The following SECISBP2 variants were observed in gnomAD, a reference collection of about 807,000 sequenced individuals.
The protein encoded by SECISBP2 is selenocysteine insertion sequence-binding protein 2.
SECISBP2 carries 96 observed loss-of-function variants against 98.2 expected under a neutral mutation model. The ratio of observed to expected loss-of-function variants is 0.98; its 90% CI spans 0.83 to 1.16. SECISBP2 has a LOEUF of 1.16. Among genes scored for constraint, SECISBP2 ranks in the 50% most tolerant of loss-of-function variants. The pLI is 0.00. For synonymous variants in SECISBP2, 407 were observed against 370.2 expected, an observed-to-expected ratio of 1.10 and a Z score of -1.14; for missense variants, 1,046 against 1,022.9, an observed-to-expected ratio of 1.02 and a Z score of -0.31.
downstream of SECISBP2, chr9:89,363,484 C>T (rs768446379): frequency 6.2e-7 from 1 of 1,614,126 alleles, no homozygotes; most frequent in South Asian, 1.1e-5. Context: ...CCACAGCCCT[C>T]CAGGCAGAGA....
At chr9:89,345,651 G>T (rs1017670304) in intron 10 of SECISBP2, among the ~76,000 whole-genome samples, 1 of 152,214 alleles carries the variant, frequency 6.6e-6, no homozygotes, top group African/African-American at 2.4e-5. Context: ...TCAGTGCTTT[G>T]TGAAGAGTTG....
downstream of SECISBP2, chr9:89,363,633 C>T: frequency 3.8e-6 from 6 of 1,591,092 alleles, no homozygotes; most frequent in Non-Finnish European, 3.4e-6. Context: ...AACCCAAACC[C>T]AGAATGCCAC....
At chr9:89,363,542 G>A (rs1226787014), downstream of SECISBP2, 4 of 1,613,674 alleles carry the variant, frequency 2.5e-6, no homozygotes, top group South Asian at 3.3e-5. Flanking sequence ...AAAACAAGCA[G>A]GGTCCCCAGG....
intron 14 of SECISBP2, chr9:89,354,912 C>A: frequency 1.0e-6 from 1 of 985,424 alleles, no homozygotes; most frequent in East Asian, 1.1e-4. Flanking sequence ...TGTAAGTATA[C>A]CTCAGGAATA....
rs59799418 is a variant in SECISBP2 at position 89,336,081 on chromosome 9, C to CTTTTTTTTTTTTTTTTTTT, written c.1089+1360_1089+1378dup. Among the ~76,000 whole-genome samples, 41 of 33,058 alleles carry CTTTTTTTTTTTTTTTTTTT rather than the reference C, an allele frequency of 1.2e-3. 5 individuals carry two copies. The highest frequency in any genetic ancestry group is 1.5e-3 in the Non-Finnish European group (27 of 17,536). 21.7% of individuals were successfully genotyped at this position (33,058 alleles called of 152,430 possible). A position where few individuals can be genotyped will look rare whatever the true frequency, so the allele number is the denominator to read the frequency against. On this transcript the variant is annotated intron_variant, in intron 7 of 16. Transcript: ENST00000375807. The stretch of plus-strand genomic sequence containing the variant: ...TTTTTCCCTTAAGTAATTTTAAGTG[C>CTTTTTTTTTTTTTTTTTTT]TTTTTTTTTTTTTTTTTTTTTTTTT...
chr9:89,331,276 ATC>A (rs1474681909), intron 5 of SECISBP2, among the ~76,000 whole-genome samples: 3 of 152,180 alleles, frequency 2.0e-5, no homozygotes, highest in Non-Finnish European at 4.4e-5. Flanking sequence ...CTTGCATTGG[ATC>A]TCTCATACTG....
At chr9:89,336,735 C>T (rs1428880968) in intron 7 of SECISBP2, among the ~76,000 whole-genome samples, 1 of 142,546 alleles carries the variant, frequency 7.0e-6, no homozygotes. Context: ...GGTGGCCAGG[C>T]GCAGGCTGGA....
chr9:89,338,514 GAAAA>G lies in SECISBP2; in HGVS notation c.1148_1151del (p.Lys383ArgfsTer12). On this transcript the variant is annotated frameshift_variant, in exon 8 of 17. Transcript: ENST00000375807. LOFTEE classifies it high-confidence loss of function. ...AAAATGAAGCCTCAAGAAAGAATAA[GAAAA>G]AGAAAGAAAAATCTACATCAAAATA... The G allele has an allele frequency of 6.2e-7, 1 of 1,613,162 alleles. No individual in the cohort carries two copies. The highest frequency in any genetic ancestry group is 8.5e-7 in the Non-Finnish European group (1 of 1,179,688).
At chr9:89,344,402 G>C (rs573331419) in intron 10 of SECISBP2, among the ~76,000 whole-genome samples, 56 of 152,264 alleles carry the variant, frequency 3.7e-4, no homozygotes, top group African/African-American at 1.3e-3. Context: ...GTCCAAAATG[G>C]TATTGCCTGG....
intron 4 of SECISBP2, among the ~76,000 whole-genome samples, chr9:89,327,181 T>C (rs1220233691): frequency 6.6e-6 from 1 of 151,224 alleles, no homozygotes; most frequent in Non-Finnish European, 1.5e-5. Flanking sequence ...AAAAAAAAGA[T>C]ATAAAATGTT....
In SECISBP2 at chr9:89,339,972, C is replaced by G. The variant is rs761150675; in HGVS notation, c.1302+19C>G. On this transcript the variant is annotated intron_variant, in intron 9 of 16. Coordinates refer to ENST00000375807, the MANE Select transcript of SECISBP2 (RefSeq NM_024077.5). ...GCCACAGGTAATTTTTAGATTGAAA[C>G]CACAAATTGCTTTAGGCTTAACTCT... 6.5e-7 allele frequency: 1 copy of G among 1,547,932 alleles called. No individual in the cohort carries two copies. Among genetic ancestry groups the G allele is most frequent in the South Asian group, 1.1e-5 (1 of 89,782 alleles).
rs1252140549 is a variant in SECISBP2, at chr9:89,319,852, G to T, written c.182+55G>T. ...GGGCTTACATTTTGGATTTAATGGT[G>T]ATTAGACTTTCAAATACTCAGCAGT... On this transcript the variant is annotated intron_variant, in intron 2 of 16. Transcript: ENST00000375807. 6 of 1,575,504 alleles carry T rather than the reference G, an allele frequency of 3.8e-6. No homozygotes were observed. In the Admixed American group the frequency reaches 1.0e-4, roughly 26 times the overall value.
intron 1 of SECISBP2, chr9:89,319,016 AG>A: frequency 9.6e-7 from 1 of 1,037,390 alleles, no homozygotes; most frequent in Non-Finnish European, 1.2e-6. Flanking sequence ...CACTAGATGG[AG>A]CCCTGGCGAT....
At chr9:89,363,779 T>C (rs756857917), downstream of SECISBP2, 2 of 1,613,814 alleles carry the variant, frequency 1.2e-6, no homozygotes, top group Non-Finnish European at 1.7e-6. Context: ...CGAAGTCTTG[T>C]TCCCTGCTGA....
intron 8 of SECISBP2, among the ~76,000 whole-genome samples, chr9:89,339,007 G>A (rs928361518): frequency 6.6e-6 from 1 of 151,972 alleles, no homozygotes; most frequent in Non-Finnish European, 1.5e-5. Flanking sequence ...GAACCATTGA[G>A]GGCCCAAGTC....
chr9:89,318,501 G>A lies in SECISBP2; in HGVS notation c.-76G>A, dbSNP rs1407315694. 6.2e-6 allele frequency: 9 copies of A among 1,446,960 alleles called. No homozygotes were observed. The highest frequency in any genetic ancestry group is 1.8e-4 in the Middle Eastern group (1 of 5,588). The allele number at this position is 1,446,960 out of a possible 1,614,324, so 89.6% of individuals were successfully genotyped here. A position where few individuals can be genotyped will look rare whatever the true frequency, so the allele number is the denominator to read the frequency against. ...CTTCCTGGCGTCGCCTGCGGGGGCG[G>A]AAACGCTTTGTCTGTCCGGCAAGCC... On this transcript the variant is annotated 5_prime_UTR_variant, in exon 1 of 17. Coordinates refer to ENST00000375807, the MANE Select transcript of SECISBP2 (RefSeq NM_024077.5).
chr9:89,344,736 TA>T (rs1830184204), intron 10 of SECISBP2, among the ~76,000 whole-genome samples: 1 of 152,244 alleles, frequency 6.6e-6, no homozygotes, highest in Non-Finnish European at 1.5e-5. Context: ...GATTACAATA[TA>T]CATGTTAGTT....
intron 13 of SECISBP2, among the ~76,000 whole-genome samples, chr9:89,350,366 C>A (rs893567765): frequency 2.0e-5 from 3 of 152,202 alleles, no homozygotes; most frequent in Non-Finnish European, 4.4e-5. Flanking sequence ...GGGGTAGTGG[C>A]TGAGATGGGG....
At chr9:89,333,639 G>A (rs546655874) in intron 6 of SECISBP2, among the ~76,000 whole-genome samples, 2 of 152,196 alleles carry the variant, frequency 1.3e-5, no homozygotes, top group South Asian at 2.1e-4. Flanking sequence ...ACTCCAGAAC[G>A]GTTTTAACTC....
Sources: gnomAD v4.1 joint callset for allele counts (sites outside exome capture counted in the v4.1 genomes callset) on GRCh38, gnomAD v4.1.1 for gene constraint, MANE v1.5 for transcripts, NCBI Gene and HGNC (gene_info 2026-07-23, HGNC 2026-07-21) for gene names.